The following STK32B variants were observed in gnomAD, a reference collection of about 807,000 sequenced individuals.
The protein encoded by STK32B is serine/threonine kinase 32B.
In STK32B, 43 loss-of-function variants were observed where a neutral mutation model predicts 52.6. The ratio of observed to expected loss-of-function variants is 0.82; its 90% CI spans 0.64 to 1.05. The LOEUF is 1.05. STK32B is among the 50% of genes least tolerant of loss of function. STK32B has a pLI of 0.00. For missense variants in STK32B, 621 were observed against 534.6 expected (o/e 1.16, Z -1.59); for synonymous variants, 238 against 204.3 (o/e 1.17, Z -1.41).
Position 5,394,986 on chromosome 4 carries a change from C to T in STK32B, c.435-3221C>T, listed in dbSNP as rs79987032. Among the ~76,000 whole-genome samples the T allele has an allele frequency of 0.036, 5,455 of 152,256 alleles. 153 individuals carry two copies. Among genetic ancestry groups the T allele is most frequent in the East Asian group, 0.085 (440 of 5,178 alleles). On this transcript the variant is annotated intron_variant, in intron 4 of 11. Coordinates refer to ENST00000282908, the MANE Select transcript of STK32B (RefSeq NM_018401.3). The surrounding 1 kb of genome is among the most constrained non-coding windows in gnomAD (Gnocchi z 4.2). ...ACAAAACTACAATCCACATGCCCAC[C>T]GGGCTGCACTCCTTTCTGGAACATG...
At position 5,473,917 on chromosome 4, in the gene STK32B, C is replaced by A. The variant is rs372084605; in HGVS notation, c.1106+5847C>A. On this transcript the variant is annotated intron_variant, in intron 11 of 11. Transcript: ENST00000282908. ...ATCACCTGAGGTCAGGAGTTTGAGACCAGACTGGCCAACATGGTGAAGCCC... is the reference window on the plus strand; with the variant it reads ...ATCACCTGAGGTCAGGAGTTTGAGAACAGACTGGCCAACATGGTGAAGCCC... 5.9e-5 allele frequency among the ~76,000 whole-genome samples: 9 copies of A among 152,194 alleles called. 1 individual carries two copies. The highest frequency in any genetic ancestry group is 2.2e-4 in the African/African-American group (9 of 41,530).
chr4:5,217,917 A>T (rs1370454157), intron 3 of STK32B, among the ~76,000 whole-genome samples: 6 of 152,228 alleles, frequency 3.9e-5, no homozygotes, highest in Admixed American at 3.9e-4. Flanking sequence ...AACTACTATG[A>T]ACCTCACAGG....
chr4:5,424,291 C>G (rs1007991765), intron 6 of STK32B, among the ~76,000 whole-genome samples: 6 of 152,278 alleles, frequency 3.9e-5, no homozygotes, highest in Admixed American at 3.3e-4. Flanking sequence ...TGAACAGTGG[C>G]AGGAGGCAGA....
chr4:5,223,637 C>A (rs533547812), intron 3 of STK32B, among the ~76,000 whole-genome samples: 1 of 151,832 alleles, frequency 6.6e-6, no homozygotes, highest in Non-Finnish European at 1.5e-5. Context: ...CATGGTGAAA[C>A]CCTGTCTCTA....
chr4:5,450,713 G>T (rs1262053142), intron 7 of STK32B, among the ~76,000 whole-genome samples: 1 of 152,186 alleles, frequency 6.6e-6, no homozygotes, highest in Non-Finnish European at 1.5e-5. Context: ...CAATAGGATT[G>T]CTTTGAGAAT....
intron 4 of STK32B, among the ~76,000 whole-genome samples, chr4:5,335,211 T>C (rs549563796): frequency 6.8e-4 from 104 of 152,258 alleles, no homozygotes; most frequent in Middle Eastern, 3.4e-3. Context: ...CTTGGGAGGG[T>C]GTATGTGTCG....
chr4:5,340,089 T>A (rs1188920466), intron 4 of STK32B, among the ~76,000 whole-genome samples: 1 of 152,232 alleles, frequency 6.6e-6, no homozygotes, highest in Non-Finnish European at 1.5e-5. Flanking sequence ...ATTAGAAGAT[T>A]GACTTTTCAT....
chr4:5,021,397 AGGCACAGAT>A, the STK32B span, among the ~76,000 whole-genome samples: 1 of 152,174 alleles, frequency 6.6e-6, no homozygotes, highest in Non-Finnish European at 1.5e-5. Context: ...TGGCAAGTGG[AGGCACAGAT>A]GTGTTTTCTT....
chr4:5,134,411 A>G (rs1427305556), intron 1 of STK32B, among the ~76,000 whole-genome samples: 1 of 152,172 alleles, frequency 6.6e-6, no homozygotes, highest in South Asian at 2.1e-4. Context: ...CTCCTTTGTT[A>G]TCTTGCGCTC....
intron 3 of STK32B, among the ~76,000 whole-genome samples, chr4:5,237,790 CT>C (rs1724731589): frequency 6.6e-6 from 1 of 152,202 alleles, no homozygotes; most frequent in South Asian, 2.1e-4. Flanking sequence ...TTGGATGTCT[CT>C]ACTGCCAGGT....
At position 5,222,968 on chromosome 4, in the gene STK32B, C is replaced by T. The variant is rs962705529; in HGVS notation, c.260+54518C>T. Among the ~76,000 whole-genome samples, 3 of 152,276 alleles carry T rather than the reference C, an allele frequency of 2.0e-5. No homozygotes were observed. In the East Asian group the frequency reaches 5.8e-4, roughly 29 times the overall value. On this transcript the variant is annotated intron_variant, in intron 3 of 11. Coordinates refer to ENST00000282908, the MANE Select transcript of STK32B (RefSeq NM_018401.3). ...GGGATAGCCGTACCCATCACAGGCC[C>T]AGAGTGCCAGGGCCTTGAGGCAGAG...
intron 1 of STK32B, among the ~76,000 whole-genome samples, chr4:5,126,183 G>C (rs1715353494): frequency 6.6e-6 from 1 of 152,104 alleles, no homozygotes. Flanking sequence ...GGATAGAGTG[G>C]GTCCTCCACT....
intron 9 of STK32B, among the ~76,000 whole-genome samples, chr4:5,464,435 A>T (rs1345162393): frequency 6.6e-6 from 1 of 152,202 alleles, no homozygotes; most frequent in African/African-American, 2.4e-5. Context: ...CAGTGGTGAG[A>T]ACACTCTGTC....
chr4:5,236,830 G>C (rs375556222), intron 3 of STK32B, among the ~76,000 whole-genome samples: 3 of 152,134 alleles, frequency 2.0e-5, no homozygotes, highest in African/African-American at 4.8e-5. Context: ...AAATTACTGC[G>C]GCTAGGGACG....
At chr4:5,406,685 G>T (rs1737700754) in intron 5 of STK32B, among the ~76,000 whole-genome samples, 2 of 152,176 alleles carry the variant, frequency 1.3e-5, no homozygotes, top group South Asian at 4.1e-4. Flanking sequence ...TGTATCTAAG[G>T]CCTTTTAACT....
chr4:5,152,557 G>GT (rs1717456814), intron 2 of STK32B, among the ~76,000 whole-genome samples: 1 of 152,240 alleles, frequency 6.6e-6, no homozygotes, highest in East Asian at 1.9e-4. Flanking sequence ...CACTCACCCC[G>GT]GTGGGCTTCT....
intron 7 of STK32B, among the ~76,000 whole-genome samples, chr4:5,454,513 C>T (rs1716320931): frequency 6.6e-6 from 1 of 152,068 alleles, no homozygotes; most frequent in African/African-American, 2.4e-5. Flanking sequence ...ACTCTAATGA[C>T]TCGATTGGAT....
At chr4:5,280,866 T>C (rs1728147091) in intron 3 of STK32B, among the ~76,000 whole-genome samples, 2 of 151,950 alleles carry the variant, frequency 1.3e-5, no homozygotes, top group African/African-American at 4.8e-5. Flanking sequence ...ACCACTGCAC[T>C]CCAGCCTGGG....
intron 3 of STK32B, among the ~76,000 whole-genome samples, chr4:5,279,061 T>C (rs146150113): frequency 3.9e-4 from 59 of 152,158 alleles, no homozygotes; most frequent in African/African-American, 1.3e-3. Context: ...CCCTGACCCC[T>C]CCCAAATCTC....
Sources: gnomAD v4.1 joint callset for allele counts (sites outside exome capture counted in the v4.1 genomes callset) on GRCh38, gnomAD v4.1.1 for gene constraint, Gnocchi (gnomAD v3.1) non-coding constraint, MANE v1.5 for transcripts, NCBI Gene and HGNC (gene_info 2026-07-23, HGNC 2026-07-21) for gene names.